CDS2: variants seen among roughly 807,000 people sequenced by gnomAD.
The protein encoded by CDS2 is CDP-diacylglycerol synthase 2.
A neutral mutation model predicts 59.0 loss-of-function variants in CDS2; 47 were observed. That is an observed-to-expected ratio of 0.80 (90% CI 0.63 to 1.02). The LOEUF is 1.02. CDS2 is among the 50% of genes least tolerant of loss of function. The pLI, the probability that CDS2 is intolerant of heterozygous loss-of-function variation, is 0.00. For synonymous variants in CDS2, 207 were observed against 206.4 expected, an observed-to-expected ratio of 1.00 and a Z score of -0.02; for missense variants, 356 against 558.9, an observed-to-expected ratio of 0.64 and a Z score of 3.66.
At chr20:5,138,804 G>A (rs548373323) in intron 1 of CDS2, among the ~76,000 whole-genome samples, 5 of 152,028 alleles carry the variant, frequency 3.3e-5, no homozygotes, top group African/African-American at 4.8e-5. Flanking sequence ...CTGGGAGGTG[G>A]AGGTTGCAGT....
At chr20:5,133,815 G>A (rs2090627184) in intron 1 of CDS2, among the ~76,000 whole-genome samples, 2 of 152,242 alleles carry the variant, frequency 1.3e-5, no homozygotes, top group African/African-American at 2.4e-5. Context: ...GTGAGCCACC[G>A]CGCCTGGCCT....
At chr20:5,133,969 C>CA (rs2090628502) in intron 1 of CDS2, among the ~76,000 whole-genome samples, 2 of 151,686 alleles carry the variant, frequency 1.3e-5, no homozygotes, top group Non-Finnish European at 2.9e-5. Flanking sequence ...GCTACAAAAT[C>CA]AAAAAAATAC....
At position 5,178,707 on chromosome 20, in the gene CDS2, CA is replaced by C. The variant is rs574109023; in HGVS notation, c.390-108del. The C allele has an allele frequency of 8.1e-4, 904 of 1,119,150 alleles. 4 individuals carry two copies. In the African/African-American group the frequency reaches 0.011, roughly 14 times the overall value. 69.3% of individuals were successfully genotyped at this position (1,119,150 alleles called of 1,614,324 possible). On this transcript the variant is annotated intron_variant, in intron 4 of 12. Coordinates refer to ENST00000460006, the MANE Select transcript of CDS2 (RefSeq NM_003818.4). The stretch of plus-strand genomic sequence containing the variant: ...GCTCTGTGAGCTGTCCCGGGGGACT[CA>C]AGGGTGGGGGGTATTCTGCTGCCCT...
At chr20:5,158,164 CTTTT>C (rs397865587) in intron 1 of CDS2, among the ~76,000 whole-genome samples, 3 of 107,874 alleles carry the variant, frequency 2.8e-5, no homozygotes, top group Admixed American at 9.6e-5. Context: ...TGCTTTAGGT[CTTTT>C]TTTTTTTTTT....
intron 4 of CDS2, among the ~76,000 whole-genome samples, chr20:5,178,498 G>A (rs546883367): frequency 2.0e-5 from 3 of 152,296 alleles, no homozygotes; most frequent in African/African-American, 7.2e-5. Context: ...GCAGGATGAG[G>A]CGTGTTTTTG....
intron 1 of CDS2, among the ~76,000 whole-genome samples, chr20:5,143,752 CTTT>C (rs1009742103): frequency 1.5e-5 from 2 of 137,720 alleles, no homozygotes; most frequent in African/African-American, 5.6e-5. Flanking sequence ...AGTTCTTTTT[CTTT>C]TTCTTCTTCT....
Position 5,184,821 on chromosome 20 carries a change from C to G in CDS2, c.672-37C>G. The G allele has an allele frequency of 6.7e-7, 1 of 1,496,512 alleles. No homozygotes were observed. Among genetic ancestry groups the G allele is most frequent in the Non-Finnish European group, 9.3e-7 (1 of 1,073,210 alleles). 92.7% of individuals were successfully genotyped at this position (1,496,512 alleles called of 1,614,324 possible). ...TTGTGTACTTTTGAGGTACTGTCAC[C>G]TTGCTTGAGTTGATCCTTACTTTGG... On this transcript the variant is annotated intron_variant, in intron 7 of 12. Coordinates refer to ENST00000460006, the MANE Select transcript of CDS2 (RefSeq NM_003818.4). The surrounding 1 kb of genome is among the most constrained non-coding windows in gnomAD (Gnocchi z 4.3).
chr20:5,197,698 T>C lies in CDS2; in HGVS notation c.*7464T>C, dbSNP rs1389641401. On this transcript the variant is annotated 3_prime_UTR_variant, in exon 13 of 13. Coordinates refer to ENST00000460006, the MANE Select transcript of CDS2 (RefSeq NM_003818.4). Reference sequence around the variant, plus strand: ...GCCTGTGCGCTACTGCTGTGCCATTTTCCCAACTTGGCGTTTCACTAAATG... The same window carrying C: ...GCCTGTGCGCTACTGCTGTGCCATTCTCCCAACTTGGCGTTTCACTAAATG... 1 of 152,364 alleles carries C rather than the reference T, an allele frequency of 6.6e-6. No individual in the cohort carries two copies. The highest frequency in any genetic ancestry group is 1.9e-4 in the East Asian group (1 of 5,170). 9.4% of individuals were successfully genotyped at this position (152,364 alleles called of 1,614,324 possible).
intron 5 of CDS2, 72 bp downstream of exon 5, chr20:5,179,028 A>G: frequency 6.9e-7 from 1 of 1,459,594 alleles, no homozygotes; most frequent in East Asian, 2.3e-5. Context: ...GGAATTGGGG[A>G]ATTTCTTGGT....
chr20:5,145,425 G>A (rs914597150), intron 1 of CDS2, among the ~76,000 whole-genome samples: 3 of 152,088 alleles, frequency 2.0e-5, no homozygotes, highest in Admixed American at 1.3e-4. Context: ...CTTGTAATTT[G>A]CATAGTTGTT....
rs753662343 is a variant in CDS2 at position 5,190,135 on chromosome 20, C to T, written c.1239C>T (p.Phe413=). 6.2e-7 allele frequency: 1 copy of T among 1,613,866 alleles called. No individual in the cohort carries two copies. The highest frequency in any genetic ancestry group is 1.3e-5 in the African/African-American group (1 of 74,896). ...GPNPSKLIQQ[F]LTLRPDQQLH... is the part of the protein sequence containing the mutation. ...ACCCAAGCAAACTGATTCAGCAGTT[C>T]CTGACTTTACGGCCAGATCAGCAGC... is the stretch of plus-strand genomic sequence containing the variant. The change falls in exon 13 of 13, where the codon TTC becomes TTT. Residue 413 remains phenylalanine (F), a synonymous_variant. Transcript: ENST00000460006.
chr20:5,147,591 G>T (rs558715761), intron 1 of CDS2, among the ~76,000 whole-genome samples: 1 of 152,130 alleles, frequency 6.6e-6, no homozygotes, highest in South Asian at 2.1e-4. Flanking sequence ...TTTTATTTTT[G>T]TAGGGGCTCC....
intron 1 of CDS2, among the ~76,000 whole-genome samples, chr20:5,142,864 A>AT (rs961676603): frequency 5.3e-5 from 8 of 151,804 alleles, no homozygotes; most frequent in African/African-American, 1.2e-4. Context: ...TTGTTTTTTT[A>AT]TTTTTTTTGA....
intron 1 of CDS2, among the ~76,000 whole-genome samples, chr20:5,141,461 T>C: frequency 6.6e-6 from 1 of 152,094 alleles, no homozygotes; most frequent in East Asian, 1.9e-4. Flanking sequence ...GGGGGGGTGG[T>C]GCACCCCAGC....
chr20:5,181,551 A>G (rs542572845), intron 5 of CDS2, among the ~76,000 whole-genome samples: 2 of 152,378 alleles, frequency 1.3e-5, no homozygotes, highest in East Asian at 1.9e-4. Context: ...ACTTTTTATT[A>G]AAGTTCCAAA....
chr20:5,150,622 A>G (rs58288580), intron 1 of CDS2, among the ~76,000 whole-genome samples: 4,067 of 152,310 alleles, frequency 0.027, 74 homozygotes, highest in East Asian at 0.081. Context: ...GCCGAAAGCA[A>G]GGGCACCCTG....
chr20:5,182,286 G>T, intron 5 of CDS2, 101 bp from the exon 6 acceptor site: 1 of 958,832 alleles, frequency 1.0e-6, no homozygotes, highest in Non-Finnish European at 1.6e-6. Flanking sequence ...GTTAGCTGCT[G>T]GGAATAAATT....
chr20:5,144,588 CA>C (rs2090724003), intron 1 of CDS2, among the ~76,000 whole-genome samples: 1 of 152,242 alleles, frequency 6.6e-6, no homozygotes, highest in South Asian at 2.1e-4. Context: ...ACATACTTAC[CA>C]AAATGAGTAA....
chr20:5,151,888 C>T (rs2090794087), intron 1 of CDS2, among the ~76,000 whole-genome samples: 1 of 147,816 alleles, frequency 6.8e-6, no homozygotes, highest in Non-Finnish European at 1.5e-5. Flanking sequence ...CCTCAGCCTT[C>T]TGAGTAGCTG....
Sources: allele counts gnomAD v4.1 joint callset (sites outside exome capture counted in the v4.1 genomes callset), GRCh38; gene constraint gnomAD v4.1.1; non-coding constraint Gnocchi (gnomAD v3.1); transcripts MANE v1.5; gene names NCBI Gene and HGNC (gene_info 2026-07-23, HGNC 2026-07-21).